The following HECW2 variants were observed in gnomAD, a reference collection of about 807,000 sequenced individuals.
HECW2 encodes the protein HECT, C2 and WW domain containing E3 ubiquitin protein ligase 2.
HECW2 carries 61 observed loss-of-function variants against 175.2 expected under a neutral mutation model. That is an observed-to-expected ratio of 0.35 (90% CI 0.28 to 0.43). The LOEUF (loss-of-function observed/expected upper bound fraction) is 0.43. HECW2 is among the 20% of genes least tolerant of loss of function. The pLI is 1.00. For synonymous variants in HECW2, 671 were observed against 731.0 expected (o/e 0.92, Z 1.32); for missense variants, 1,524 against 2,000.5 (o/e 0.76, Z 4.54).
chr2:196,502,029 C>T (rs990775157), intron 1 of HECW2, among the ~76,000 whole-genome samples: 2 of 152,186 alleles, frequency 1.3e-5, no homozygotes, highest in African/African-American at 2.4e-5. Context: ...TTGAATTTAA[C>T]GTTCTTTAGT....
intron 1 of HECW2, among the ~76,000 whole-genome samples, chr2:196,578,186 AAAG>A (rs1690630027): frequency 6.6e-6 from 1 of 152,200 alleles, no homozygotes; most frequent in African/African-American, 2.4e-5. Flanking sequence ...AAAGGACCAA[AAAG>A]AAGATGTGGA....
intron 22 of HECW2, among the ~76,000 whole-genome samples, chr2:196,226,153 T>C (rs1335673937): frequency 6.6e-6 from 1 of 152,090 alleles, no homozygotes; most frequent in Non-Finnish European, 1.5e-5. Flanking sequence ...TGATCCCTTA[T>C]GGCTTGGTGC....
chr2:196,319,640 T>C lies in HECW2; in HGVS notation c.1250A>G (p.Asn417Ser), dbSNP rs138998510. 3.9e-4 allele frequency: 634 copies of C among 1,614,144 alleles called. 1 individual carries two copies. The highest frequency in any genetic ancestry group is 1.5e-3 in the Middle Eastern group (9 of 6,062). The change falls in exon 9 of 29, where the codon AAT becomes AGT. Residue 417 changes from asparagine to serine, a missense_variant. Transcript: ENST00000644978. ...GTGTTCGATAGCATCTAAGTAATCATTGAGTGAATCCTGACGTCCTCTGGG... is the reference window on the plus strand; with the variant it reads ...GTGTTCGATAGCATCTAAGTAATCACTGAGTGAATCCTGACGTCCTCTGGG... ...SPPRGRQDSL[N>S]DYLDAIEHNG...
intron 1 of HECW2, among the ~76,000 whole-genome samples, chr2:196,583,110 T>C (rs889571231): frequency 1.3e-5 from 2 of 152,208 alleles, no homozygotes; most frequent in African/African-American, 2.4e-5. Context: ...TAGGGTCGTA[T>C]TGCCATGCTC....
At chr2:196,369,293 C>G (rs1261658121) in intron 2 of HECW2, among the ~76,000 whole-genome samples, 2 of 148,866 alleles carry the variant, frequency 1.3e-5, no homozygotes, top group Non-Finnish European at 3.0e-5. Context: ...CTGTGGATTA[C>G]CTGGTAGAAA....
intron 18 of HECW2, among the ~76,000 whole-genome samples, chr2:196,254,678 A>G (rs1265981779): frequency 6.6e-6 from 1 of 152,190 alleles, no homozygotes; most frequent in Non-Finnish European, 1.5e-5. Context: ...TCAGCTGTAC[A>G]AGACAGTGTC....
At chr2:196,489,981 G>A (rs931418116) in intron 1 of HECW2, among the ~76,000 whole-genome samples, 34 of 152,260 alleles carry the variant, frequency 2.2e-4, no homozygotes, top group Admixed American at 1.6e-3. Flanking sequence ...GACTCCATAT[G>A]GGAGCTCCTC....
chr2:196,212,461 C>T (rs886802397), intron 28 of HECW2, among the ~76,000 whole-genome samples: 1 of 152,106 alleles, frequency 6.6e-6, no homozygotes, highest in Admixed American at 6.5e-5. Context: ...GTTTTCTGTT[C>T]CTGTGTTAGT....
At chr2:196,381,764 G>C (rs544076376) in intron 2 of HECW2, among the ~76,000 whole-genome samples, 4 of 152,042 alleles carry the variant, frequency 2.6e-5, no homozygotes, top group Non-Finnish European at 5.9e-5. Context: ...TTCCTAAACT[G>C]CCAGATTTCC....
At chr2:196,217,170 TC>T in intron 26 of HECW2, 77 bp from the exon 27 acceptor site, 1 of 953,874 alleles carries the variant, frequency 1.0e-6, no homozygotes, top group Non-Finnish European at 1.6e-6. Context: ...ACACGAAGAG[TC>T]CCCAGACATA....
At chr2:196,336,841 C>G (rs1023869973) in intron 3 of HECW2, among the ~76,000 whole-genome samples, 5 of 152,054 alleles carry the variant, frequency 3.3e-5, no homozygotes, top group African/African-American at 9.7e-5. Context: ...TCCAATCCCC[C>G]CACCCCCACC....
intron 17 of HECW2, among the ~76,000 whole-genome samples, chr2:196,269,011 C>T (rs1009743841): frequency 2.6e-5 from 4 of 152,110 alleles, no homozygotes; most frequent in East Asian, 1.9e-4. Context: ...ATAATTTTTC[C>T]GTGGTTAAGA....
chr2:196,539,417 G>A (rs929778231), intron 1 of HECW2, among the ~76,000 whole-genome samples: 11 of 152,142 alleles, frequency 7.2e-5, no homozygotes, highest in African/African-American at 9.7e-5. Flanking sequence ...TGGATCATGA[G>A]GTCAGGAGAT....
chr2:196,462,959 C>A (rs1450317113), intron 1 of HECW2, among the ~76,000 whole-genome samples: 1 of 152,202 alleles, frequency 6.6e-6, no homozygotes, highest in African/African-American at 2.4e-5. Context: ...GCCCTCCACT[C>A]ACACCAGCAG....
chr2:196,263,397 G>C (rs957523709), intron 17 of HECW2: 1 of 152,128 alleles, frequency 6.6e-6, no homozygotes, highest in Non-Finnish European at 1.5e-5. Context: ...TTAAAGAAGG[G>C]CATGTGTTCG....
chr2:196,527,778 G>A (rs564421551), intron 1 of HECW2, among the ~76,000 whole-genome samples: 1 of 152,188 alleles, frequency 6.6e-6, no homozygotes, highest in Non-Finnish European at 1.5e-5. Flanking sequence ...AAGCCCCAGG[G>A]GTTTATAGCC....
chr2:196,362,355 ACACACACACACACACAC>A (rs1294064810), intron 2 of HECW2: 5 of 162,032 alleles, frequency 3.1e-5, no homozygotes, highest in Non-Finnish European at 6.4e-5. Flanking sequence ...ACACACACAC[ACACACACACACACACAC>A]ACACACACAG....
At chr2:196,255,760 T>C (rs1039457329) in intron 18 of HECW2, among the ~76,000 whole-genome samples, 4 of 152,180 alleles carry the variant, frequency 2.6e-5, no homozygotes, top group Admixed American at 6.5e-5. Flanking sequence ...ATTCAAATCA[T>C]TCCAATTCCA....
chr2:196,345,348 A>G (rs1045245679), intron 2 of HECW2, among the ~76,000 whole-genome samples: 3 of 152,210 alleles, frequency 2.0e-5, no homozygotes, highest in Non-Finnish European at 2.9e-5. Flanking sequence ...TGTTCAAGGC[A>G]ACAATGTGCC....
Sources: gnomAD v4.1 joint callset for allele counts (sites outside exome capture counted in the v4.1 genomes callset) on GRCh38, gnomAD v4.1.1 for gene constraint, MANE v1.5 for transcripts, NCBI Gene and HGNC (gene_info 2026-07-23, HGNC 2026-07-21) for gene names.